The following VTI1B variants were observed in gnomAD, a reference collection of about 807,000 sequenced individuals.
VTI1B encodes vesicle transport through interaction with t-SNAREs homolog 1B.
A neutral mutation model predicts 28.6 loss-of-function variants in VTI1B; 18 were observed. The ratio of observed to expected loss-of-function variants is 0.63; its 90% CI spans 0.43 to 0.93. The LOEUF is 0.93. Among genes scored for constraint, VTI1B ranks in the 40% least tolerant of loss-of-function variants. The probability of loss-of-function intolerance (pLI) is 0.00; values close to 1 mark genes in which losing one functional copy is unlikely to be tolerated. For missense variants in VTI1B, 283 were observed against 297.0 expected, an observed-to-expected ratio of 0.95 and a Z score of 0.35; for synonymous variants, 100 against 107.9, an observed-to-expected ratio of 0.93 and a Z score of 0.46.
At chr14:67,652,739 G>A (rs1243360803) in intron 5 of VTI1B, 1 of 152,176 alleles carries the variant, frequency 6.6e-6, no homozygotes, top group Non-Finnish European at 1.5e-5. Context: ...GGCAAGCAGA[G>A]CCAAAAGCAA....
rs558483667 is a variant in VTI1B, at chr14:67,648,195, C to T, written c.*3190G>A. Reference sequence around the variant, plus strand: ...AATACACAATACAGGTATGTAGCAACCAGGTCTGCAGCCTGTTAACTACAT... The same window carrying T: ...AATACACAATACAGGTATGTAGCAATCAGGTCTGCAGCCTGTTAACTACAT... On this transcript the variant is annotated 3_prime_UTR_variant, in exon 6 of 6. Transcript: ENST00000554659. 8 of 1,609,710 alleles carry T rather than the reference C, an allele frequency of 5.0e-6. No homozygotes were observed. The South Asian group carries it at 8.8e-5, about 18-fold the overall frequency.
At chr14:67,658,436 T>C (rs2037293613) in intron 3 of VTI1B, among the ~76,000 whole-genome samples, 1 of 151,440 alleles carries the variant, frequency 6.6e-6, no homozygotes, top group South Asian at 2.1e-4. Flanking sequence ...CTACTAAAAG[T>C]ACAAAAAAAA....
chr14:67,668,515 T>C (rs967292558), intron 1 of VTI1B, among the ~76,000 whole-genome samples: 3 of 152,228 alleles, frequency 2.0e-5, no homozygotes, highest in Admixed American at 6.5e-5. Context: ...TTTAAAGTAA[T>C]GAAAATGTGG....
intron 2 of VTI1B, chr14:67,660,189 A>G (rs1250135382): frequency 6.9e-6 from 2 of 288,934 alleles, no homozygotes; most frequent in South Asian, 8.0e-5. Context: ...CTTACTAAAC[A>G]CTTTTATATA....
chr14:67,665,755 A>C (rs1475805487), intron 1 of VTI1B, among the ~76,000 whole-genome samples: 1 of 152,144 alleles, frequency 6.6e-6, no homozygotes, highest in Admixed American at 6.5e-5. Context: ...CACACCCTTT[A>C]CTATGTCTCA....
rs369154653 is a variant in VTI1B, at chr14:67,664,981, C to T, written c.116-2446G>A. Among the ~76,000 whole-genome samples, 46 of 152,310 alleles carry T rather than the reference C, an allele frequency of 3.0e-4. 1 individual carries two copies. Among genetic ancestry groups the T allele is most frequent in the African/African-American group, 1.1e-3 (45 of 41,570 alleles). On this transcript the variant is annotated intron_variant, in intron 1 of 5. Transcript: ENST00000554659. Reference sequence around the variant, plus strand: ...TCCTGGGTTCAAGTGATTCTCATGCCTCAGCCTCCTGAGTGGTGGGGTTAC... The same window carrying T: ...TCCTGGGTTCAAGTGATTCTCATGCTTCAGCCTCCTGAGTGGTGGGGTTAC...
At position 67,649,503 on chromosome 14, in the gene VTI1B, A is replaced by G. The variant is rs1176367695; in HGVS notation, c.*1882T>C. The G allele has an allele frequency of 6.6e-6, 1 of 152,208 alleles. No homozygotes were observed. Among genetic ancestry groups the G allele is most frequent in the African/African-American group, 2.4e-5 (1 of 41,438 alleles). 9.4% of individuals were successfully genotyped at this position (152,208 alleles called of 1,614,324 possible). On this transcript the variant is annotated 3_prime_UTR_variant, in exon 6 of 6. Coordinates refer to ENST00000554659, the MANE Select transcript of VTI1B (RefSeq NM_006370.3). ...TATAGGGTGGCAATAGTCTGGAAACATAAGTCATGTATATATTTCTAATAG... is the reference window on the plus strand; with the variant it reads ...TATAGGGTGGCAATAGTCTGGAAACGTAAGTCATGTATATATTTCTAATAG...
rs1201779432 is a variant in VTI1B, at chr14:67,653,456, G to A, written c.583C>T (p.Leu195Phe). The stretch of plus-strand genomic sequence containing the variant: ...ACTTACTTTCTGGACATTGAACGGA[G>A]AATCTTCCGACTTTTGCTCAAGTTT... ...SENLSKSRKI[L>F]RSMSRKVTTN... is the part of the protein sequence containing the mutation. Residue 195 changes from leucine (L) to phenylalanine (F), a missense_variant, in exon 5 of 6, where the codon CTC becomes TTC. Physicochemically the swap from Leu to Phe is conservative, Grantham distance 22. Coordinates refer to ENST00000554659, the MANE Select transcript of VTI1B (RefSeq NM_006370.3). 1 of 1,614,000 alleles carries A rather than the reference G, an allele frequency of 6.2e-7. No homozygotes were observed. Among genetic ancestry groups the A allele is most frequent in the East Asian group, 2.2e-5 (1 of 44,876 alleles).
intron 5 of VTI1B, among the ~76,000 whole-genome samples, chr14:67,652,029 G>A (rs17104544): frequency 0.13 from 19,417 of 152,114 alleles, 1,297 homozygotes; most frequent in East Asian, 0.22. Context: ...TTTCTCCCTA[G>A]TCCACAAGGA....
chr14:67,654,772 A>G (rs2037232316), intron 4 of VTI1B, among the ~76,000 whole-genome samples: 1 of 152,038 alleles, frequency 6.6e-6, no homozygotes, highest in Non-Finnish European at 1.5e-5. Context: ...GCTCACGCTT[A>G]TAATTCTAGC....
chr14:67,648,199 G>A lies in VTI1B; in HGVS notation c.*3186C>T, dbSNP rs202104783. 9.3e-6 allele frequency: 15 copies of A among 1,607,602 alleles called. No individual in the cohort carries two copies. In the East Asian group the frequency reaches 3.1e-4, roughly 34 times the overall value. ...CACAATACAGGTATGTAGCAACCAG[G>A]TCTGCAGCCTGTTAACTACATAGGT... On this transcript the variant is annotated 3_prime_UTR_variant, in exon 6 of 6. Transcript: ENST00000554659.
chr14:67,652,775 C>A (rs930628848), intron 5 of VTI1B, among the ~76,000 whole-genome samples: 1 of 152,180 alleles, frequency 6.6e-6, no homozygotes, highest in Non-Finnish European at 1.5e-5. Flanking sequence ...AAACTACTTT[C>A]TAATCAAGAT....
At chr14:67,654,554 T>C (rs542277950) in intron 4 of VTI1B, among the ~76,000 whole-genome samples, 1 of 152,310 alleles carries the variant, frequency 6.6e-6, no homozygotes, top group South Asian at 2.1e-4. Context: ...ATTGTGAATT[T>C]TCACTGAAGA....
chr14:67,653,617 G>T, intron 4 of VTI1B, 119 bp from the exon 5 acceptor site: 1 of 870,512 alleles, frequency 1.1e-6, no homozygotes, highest in Non-Finnish European at 1.8e-6. Context: ...AAGAAATCAA[G>T]CCAATTTAAA....
intron 1 of VTI1B, among the ~76,000 whole-genome samples, chr14:67,664,419 A>C (rs1254348356): frequency 6.6e-6 from 1 of 152,054 alleles, no homozygotes; most frequent in African/African-American, 2.4e-5. Flanking sequence ...ACGTATGGGG[A>C]TATGGCCTTT....
At chr14:67,672,454 T>C in intron 1 of VTI1B, among the ~76,000 whole-genome samples, 1 of 146,156 alleles carries the variant, frequency 6.8e-6, no homozygotes. Context: ...TTTCTTTTTT[T>C]TTTTTTTTTG....
chr14:67,647,212 T>C lies in VTI1B; in HGVS notation c.*4173A>G. 3.9e-6 allele frequency: 2 copies of C among 508,954 alleles called. No individual in the cohort carries two copies. Among genetic ancestry groups the C allele is most frequent in the South Asian group, 6.4e-5 (2 of 31,312 alleles). The allele number at this position is 508,954 out of a possible 1,614,324, so 31.5% of individuals were successfully genotyped here. A position where few individuals can be genotyped will look rare whatever the true frequency, so the allele number is the denominator to read the frequency against. On this transcript the variant is annotated 3_prime_UTR_variant, in exon 6 of 6. Coordinates refer to ENST00000554659, the MANE Select transcript of VTI1B (RefSeq NM_006370.3). ...TCCTCTGGGGTTTTTGGGAGGAGGT[T>C]TCCTCTAAATCATTGCCTAGATCTT...
intron 4 of VTI1B, 55 bp from the exon 5 acceptor site, chr14:67,653,553 T>A: frequency 1.3e-6 from 2 of 1,487,660 alleles, no homozygotes; most frequent in Non-Finnish European, 1.9e-6. Flanking sequence ...CTCTGTACAA[T>A]TGAATATCCC....
chr14:67,656,439 G>C lies in VTI1B; in HGVS notation c.517C>G (p.Gln173Glu). The C allele has an allele frequency of 2.5e-6, 4 of 1,613,112 alleles. No individual in the cohort carries two copies. Among genetic ancestry groups the C allele is most frequent in the Non-Finnish European group, 3.4e-6 (4 of 1,179,552 alleles). Residue 173 changes from glutamine to glutamate, a missense_variant, in exon 4 of 6, where the codon CAG becomes GAG. By Grantham distance (29) the Gln-to-Glu change is conservative. Transcript: ENST00000554659. Reference protein sequence around the residue: ...IIEELGEQRDQLERTKSRLVN... With the variant: ...IIEELGEQRDELERTKSRLVN... ...ACTCTACTCTTGGTACGTTCTAACT[G>C]GTCTCGTTGTTCCCCCAGCTCTTCT...
Sources: gnomAD v4.1 joint callset for allele counts (sites outside exome capture counted in the v4.1 genomes callset) on GRCh38, gnomAD v4.1.1 for gene constraint, MANE v1.5 for transcripts, NCBI Gene and HGNC (gene_info 2026-07-23, HGNC 2026-07-21) for gene names.